Variants in TMEM42 observed in about 807,000 individuals in gnomAD.
The protein encoded by TMEM42 is transmembrane protein 42.
Under a neutral mutation model 14.0 loss-of-function variants are expected in TMEM42, and 8 were observed. The ratio of observed to expected loss-of-function variants is 0.57; its 90% CI spans 0.34 to 1.03. The LOEUF is 1.03. Ranked by LOEUF, TMEM42 falls within the 50% of genes least tolerant of loss-of-function variation. The probability of loss-of-function intolerance (pLI) is 0.03; values close to 1 mark genes in which losing one functional copy is unlikely to be tolerated. For synonymous variants in TMEM42, 115 were observed against 94.3 expected, an observed-to-expected ratio of 1.22 and a Z score of -1.27; for missense variants, 211 against 219.8, an observed-to-expected ratio of 0.96 and a Z score of 0.25.
rs1407854066 is a variant in TMEM42 at position 44,862,026 on chromosome 3, G to A, written c.102G>A (p.Arg34=). 8 of 1,382,388 alleles carry A rather than the reference G, an allele frequency of 5.8e-6. No individual in the cohort carries two copies. Among genetic ancestry groups the A allele is most frequent in the African/African-American group, 3.0e-5 (2 of 66,340 alleles). 85.6% of individuals were successfully genotyped at this position (1,382,388 alleles called of 1,614,324 possible). Residue 34 remains arginine, a synonymous_variant, in exon 1 of 3, where the codon CGG becomes CGA. Coordinates refer to ENST00000302392, the MANE Select transcript of TMEM42 (RefSeq NM_144638.3). ...CGCACCTCCAGGCGGGTGCGATGCG[G>A]CGCCGCTTTTGGGGCGTATTCAACT... ...FPPHLQAGAM[R]RRFWGVFNCL... is the part of the protein sequence containing the mutation.
Position 44,865,242 on chromosome 3 carries a change from A to G in TMEM42, c.*62A>G. 6.2e-7 allele frequency: 1 copy of G among 1,608,820 alleles called. No individual in the cohort carries two copies. The highest frequency in any genetic ancestry group is 8.5e-7 in the Non-Finnish European group (1 of 1,175,774). On this transcript the variant is annotated 3_prime_UTR_variant, in exon 3 of 3. Coordinates refer to ENST00000302392, the MANE Select transcript of TMEM42 (RefSeq NM_144638.3). The stretch of plus-strand genomic sequence containing the variant: ...GATGGTGGCCCAGCCTTGGGATGTC[A>G]TGTGGGACTGTATCCTAGGGCGATC...
chr3:44,865,345 T>A lies in TMEM42; in HGVS notation c.*165T>A. 1 of 842,674 alleles carries A rather than the reference T, an allele frequency of 1.2e-6. No individual in the cohort carries two copies. The highest frequency in any genetic ancestry group is 2.7e-5 in the East Asian group (1 of 37,306). The allele number at this position is 842,674 out of a possible 1,614,324, so 52.2% of individuals were successfully genotyped here. A position where few individuals can be genotyped will look rare whatever the true frequency, so the allele number is the denominator to read the frequency against. ...CAGGCTCTGGCTCTGTAAGGAGAGG[T>A]GCAGCTGCAGCAGTGTTCTACCGGA... On this transcript the variant is annotated 3_prime_UTR_variant, in exon 3 of 3. Transcript: ENST00000302392.
rs762553980 is a variant in TMEM42 at position 44,861,939 on chromosome 3, G to A, written c.15G>A (p.Pro5=). 16 of 1,422,904 alleles carry A rather than the reference G, an allele frequency of 1.1e-5. No individual in the cohort carries two copies. Among genetic ancestry groups the A allele is most frequent in the South Asian group, 2.9e-5 (2 of 69,030 alleles). 88.1% of individuals were successfully genotyped at this position (1,422,904 alleles called of 1,614,324 possible). The part of the protein sequence containing the change: MAER[P]GPPGGAVSAT... ...CAGCAGGCAACATGGCCGAGAGGCC[G>A]GGGCCTCCGGGCGGCGCCGTGTCCG... Residue 5 remains proline (P), a synonymous_variant, in exon 1 of 3, where the codon CCG becomes CCA. Transcript: ENST00000302392.
In TMEM42 at chr3:44,865,385, C is replaced by A; in HGVS notation, c.*205C>A. On this transcript the variant is annotated 3_prime_UTR_variant, in exon 3 of 3. Transcript: ENST00000302392. Reference sequence around the variant, plus strand: ...GTTCTACCGGAAGTGTTTTGATCATCTGTACAGTGCTTTGGATTCTTCCTC... The same window carrying A: ...GTTCTACCGGAAGTGTTTTGATCATATGTACAGTGCTTTGGATTCTTCCTC... 1.6e-6 allele frequency: 1 copy of A among 633,912 alleles called. No homozygotes were observed. The highest frequency in any genetic ancestry group is 2.6e-6 in the Non-Finnish European group (1 of 377,734). The allele number at this position is 633,912 out of a possible 1,614,324, so 39.3% of individuals were successfully genotyped here. A position where few individuals can be genotyped will look rare whatever the true frequency, so the allele number is the denominator to read the frequency against.
At chr3:44,862,719 G>A (rs755228823) in intron 1 of TMEM42, 1 of 151,966 alleles carries the variant, frequency 6.6e-6, no homozygotes, top group African/African-American at 2.4e-5. Context: ...CTGCTAAGGT[G>A]TATCTCTGCC....
At chr3:44,862,215 G>A (rs1699264211) in intron 1 of TMEM42, 99 bp downstream of exon 1, 3 of 712,496 alleles carry the variant, frequency 4.2e-6, no homozygotes, top group South Asian at 6.3e-5. Flanking sequence ...GGCTCTTGGG[G>A]TGGGGCGGGG....
rs545987183 is a variant in TMEM42 at position 44,865,049 on chromosome 3, G to A, written c.349G>A (p.Gly117Ser). 2 of 1,614,034 alleles carry A rather than the reference G, an allele frequency of 1.2e-6. No homozygotes were observed. The highest frequency in any genetic ancestry group is 2.2e-5 in the South Asian group (2 of 91,080). The change falls in exon 3 of 3, where the codon GGC (glycine) becomes AGC (serine). Residue 117 changes from glycine to serine, a missense_variant. Coordinates refer to ENST00000302392, the MANE Select transcript of TMEM42 (RefSeq NM_144638.3). ...FSNILSSAFL[G>S]YVLYGECQEV... ...TATCTTTGTCTCGCAGGCCTTCCTGGGCTATGTGCTGTATGGAGAGTGCCA... is the reference window on the plus strand; with the variant it reads ...TATCTTTGTCTCGCAGGCCTTCCTGAGCTATGTGCTGTATGGAGAGTGCCA...
In TMEM42 at chr3:44,862,128, G is replaced by T; in HGVS notation, c.192+12G>T. Reference sequence around the variant, plus strand: ...CCTTCGGCAGCGAGGTCGAGCCCGGGGCGCTGTTGGTGCTGCTGCTGCGGG... The same window carrying T: ...CCTTCGGCAGCGAGGTCGAGCCCGGTGCGCTGTTGGTGCTGCTGCTGCGGG... On this transcript the variant is annotated intron_variant, in intron 1 of 2. Transcript: ENST00000302392. The T allele has an allele frequency of 8.1e-7, 1 of 1,234,782 alleles. No homozygotes were observed. Among genetic ancestry groups the T allele is most frequent in the Non-Finnish European group, 1.0e-6 (1 of 987,774 alleles). 76.5% of individuals were successfully genotyped at this position (1,234,782 alleles called of 1,614,324 possible). A position where few individuals can be genotyped will look rare whatever the true frequency, so the allele number is the denominator to read the frequency against.
intron 1 of TMEM42, 155 bp from the exon 2 acceptor site, chr3:44,864,042 A>T: frequency 2.6e-6 from 2 of 773,878 alleles, no homozygotes; most frequent in Non-Finnish European, 4.2e-6. Flanking sequence ...GGGTTAAGTG[A>T]AGCCCTGTGC....
Position 44,865,583 on chromosome 3 carries a change from A to C in TMEM42, c.*403A>C, listed in dbSNP as rs1699312720. The C allele has an allele frequency of 5.0e-6, 1 of 199,988 alleles. No homozygotes were observed. The highest frequency in any genetic ancestry group is 1.0e-4 in the East Asian group (1 of 9,716). The allele number at this position is 199,988 out of a possible 1,614,324, so 12.4% of individuals were successfully genotyped here. Reference sequence around the variant, plus strand: ...CTTTCTGACAGTTCCATGCTGATGTATCAGGCCATCTGTGTCATGCTTATG... The same window carrying C: ...CTTTCTGACAGTTCCATGCTGATGTCTCAGGCCATCTGTGTCATGCTTATG... On this transcript the variant is annotated 3_prime_UTR_variant, in exon 3 of 3. Transcript: ENST00000302392.
Position 44,865,158 on chromosome 3 carries a change from C to T in TMEM42, c.458C>T (p.Pro153Leu). The change falls in exon 3 of 3, where the codon CCC (proline) becomes CTC (leucine). Residue 153 changes from proline to leucine, a missense_variant. By Grantham distance (98) the Pro-to-Leu change is moderately conservative. Transcript: ENST00000302392. Reference protein sequence around the residue: ...IHRKLPPTWKPLPHKQQ With the variant: ...IHRKLPPTWKLLPHKQQ ...AGGAAGCTCCCACCCACCTGGAAGC[C>T]CCTTCCACACAAGCAGCAGTAGCAC... 1 of 1,614,164 alleles carries T rather than the reference C, an allele frequency of 6.2e-7. No homozygotes were observed. The highest frequency in any genetic ancestry group is 1.1e-5 in the South Asian group (1 of 91,086).
rs986678988 is a variant in TMEM42 at position 44,863,036 on chromosome 3, GT to G, written c.192+922del. 2.6e-4 allele frequency: 40 copies of G among 152,028 alleles called. 3 individuals carry two copies. Among genetic ancestry groups the G allele is most frequent in the Non-Finnish European group, 2.9e-5 (2 of 68,032 alleles). 9.4% of individuals were successfully genotyped at this position (152,028 alleles called of 1,614,324 possible). A position where few individuals can be genotyped will look rare whatever the true frequency, so the allele number is the denominator to read the frequency against. Reference sequence around the variant, plus strand: ...CATATGCTGCTTTGTGTAAGACAAGGTTGTCCAACTCGCGGCCCAACGCAAA... The same window carrying G: ...CATATGCTGCTTTGTGTAAGACAAGGTGTCCAACTCGCGGCCCAACGCAAA... On this transcript the variant is annotated intron_variant, in intron 1 of 2. Transcript: ENST00000302392.
rs1553668735 is a variant in TMEM42 at position 44,863,303 on chromosome 3, C to CA, written c.193-894_193-893insA. 5.2e-5 allele frequency: 5 copies of CA among 95,472 alleles called. 2 individuals are homozygous for CA. Among genetic ancestry groups the CA allele is most frequent in the Non-Finnish European group, 7.3e-5 (3 of 40,946 alleles). The allele number at this position is 95,472 out of a possible 1,614,324, so 5.9% of individuals were successfully genotyped here. A position where few individuals can be genotyped will look rare whatever the true frequency, so the allele number is the denominator to read the frequency against. On this transcript the variant is annotated intron_variant, in intron 1 of 2. Transcript: ENST00000302392. ...AATAAGTATATTTAGATTCCGCACC[C>CA]CCCCCCCCCGCCGCCTTGTCTCCAG...
Position 44,862,054 on chromosome 3 carries a change from C to T in TMEM42, c.130C>T (p.Leu44=). The T allele has an allele frequency of 7.7e-7, 1 of 1,296,030 alleles. No homozygotes were observed. The highest frequency in any genetic ancestry group is 9.9e-7 in the Non-Finnish European group (1 of 1,011,400). The allele number at this position is 1,296,030 out of a possible 1,614,324, so 80.3% of individuals were successfully genotyped here. The part of the protein sequence containing the change: ...RRRFWGVFNC[L]CAGAFGALAA... ...CCGCTTTTGGGGCGTATTCAACTGT[C>T]TGTGCGCCGGCGCGTTCGGGGCCCT... The change falls in exon 1 of 3, where the codon CTG becomes TTG. Residue 44 remains leucine, a synonymous_variant. Coordinates refer to ENST00000302392, the MANE Select transcript of TMEM42 (RefSeq NM_144638.3).
intron 1 of TMEM42, chr3:44,862,513 C>T (rs1282620788): frequency 1.3e-5 from 2 of 152,650 alleles, no homozygotes; most frequent in African/African-American, 4.8e-5. Context: ...CATTTCTCTC[C>T]ACGTGACTCT....
Position 44,864,300 on chromosome 3 carries a change from C to T in TMEM42, c.296C>T (p.Ala99Val). ...SRGLSFSMSS[A>V]IASVTVTFSN... The stretch of plus-strand genomic sequence containing the variant: ...GGCCTCAGTTTCTCCATGTCTTCAG[C>T]CATTGCATCTGTCACAGTGACTTTT... The change falls in exon 2 of 3, where the codon GCC (alanine) becomes GTC (valine). Residue 99 changes from alanine to valine, a missense_variant. Transcript: ENST00000302392. 1 of 1,614,190 alleles carries T rather than the reference C, an allele frequency of 6.2e-7. No homozygotes were observed. Among genetic ancestry groups the T allele is most frequent in the Non-Finnish European group, 8.5e-7 (1 of 1,180,034 alleles).
Position 44,865,261 on chromosome 3 carries a change from G to C in TMEM42, c.*81G>C. On this transcript the variant is annotated 3_prime_UTR_variant, in exon 3 of 3. Transcript: ENST00000302392. ...GATGTCATGTGGGACTGTATCCTAG[G>C]GCGATCCAGTTGTGCAGCCTTCTGA... The C allele has an allele frequency of 6.3e-7, 1 of 1,574,948 alleles. No individual in the cohort carries two copies. Among genetic ancestry groups the C allele is most frequent in the Admixed American group, 1.7e-5 (1 of 59,208 alleles).
chr3:44,865,218 A>C lies in TMEM42; in HGVS notation c.*38A>C. The C allele has an allele frequency of 6.2e-7, 1 of 1,612,988 alleles. No homozygotes were observed. The highest frequency in any genetic ancestry group is 8.5e-7 in the Non-Finnish European group (1 of 1,179,122). On this transcript the variant is annotated 3_prime_UTR_variant, in exon 3 of 3. Transcript: ENST00000302392. ...AGACGGACCAGCTGGAAAGATCATG[A>C]TGGTGGCCCAGCCTTGGGATGTCAT...
At chr3:44,863,104 T>A (rs187285538) in intron 1 of TMEM42, 36 of 152,110 alleles carry the variant, frequency 2.4e-4, no homozygotes, top group African/African-American at 6.8e-4. Flanking sequence ...ATTTATTATT[T>A]TTTTTTTAGC....
Sources: allele counts gnomAD v4.1 joint callset, GRCh38; gene constraint gnomAD v4.1.1; transcripts MANE v1.5; gene names NCBI Gene and HGNC (gene_info 2026-07-23, HGNC 2026-07-21).